Variants in DISP1 observed in about 807,000 individuals in gnomAD.
DISP1 encodes the protein dispatched RND transporter family member 1, also known as protein dispatched homolog 1.
A neutral mutation model predicts 37.3 loss-of-function variants in DISP1; 30 were observed. The ratio of observed to expected loss-of-function variants is 0.80; its 90% CI spans 0.60 to 1.09. The LOEUF is 1.09. DISP1 is among the 50% of genes least tolerant of loss of function. The pLI, the probability that DISP1 is intolerant of heterozygous loss-of-function variation, is 0.00. For synonymous variants in DISP1, 634 were observed against 690.2 expected, an observed-to-expected ratio of 0.92 and a Z score of 1.28; for missense variants, 1,598 against 1,879.5, an observed-to-expected ratio of 0.85 and a Z score of 2.77.
chr1:222,881,076 C>G (rs1425545324), intron 1 of DISP1, among the ~76,000 whole-genome samples: 1 of 152,072 alleles, frequency 6.6e-6, no homozygotes, highest in Non-Finnish European at 1.5e-5. Context: ...AAACAAAGGT[C>G]TGGAAGAGTT....
intron 1 of DISP1, among the ~76,000 whole-genome samples, chr1:222,825,214 T>C (rs1295975546): frequency 1.3e-5 from 2 of 152,144 alleles, no homozygotes; most frequent in African/African-American, 4.8e-5. Flanking sequence ...TGAGAGTCTT[T>C]CTTTTTCATT....
intron 1 of DISP1, among the ~76,000 whole-genome samples, chr1:222,850,553 G>A (rs1410729507): frequency 3.3e-5 from 5 of 151,586 alleles, no homozygotes; most frequent in Non-Finnish European, 5.9e-5. Context: ...TATTAAGCCT[G>A]GTACCCAATA....
rs1324935220 is a variant in DISP1 at position 222,893,623 on chromosome 1, C to CT, written c.-158-34806dup. Among the ~76,000 whole-genome samples, 2 of 152,206 alleles carry CT rather than the reference C, an allele frequency of 1.3e-5. No homozygotes were observed. The highest frequency in any genetic ancestry group is 2.4e-5 in the African/African-American group (1 of 41,454). On this transcript the variant is annotated intron_variant, in intron 1 of 8. Transcript: ENST00000675850. This position sits in a 1 kb window ranked among gnomAD's most constrained non-coding sequence, Gnocchi z 4.3. ...GAAGGCTGCGGCTTGACCAGATGTA[C>CT]TGCATGCAGCTTCCACTGCGGGCAC...
intron 1 of DISP1, among the ~76,000 whole-genome samples, chr1:222,828,260 G>T (rs1664900940): frequency 1.3e-5 from 2 of 151,972 alleles, no homozygotes; most frequent in South Asian, 4.1e-4. Flanking sequence ...CTTATCTTTT[G>T]TTTGTTTGTT....
chr1:222,897,480 C>T (rs562616205), intron 1 of DISP1, among the ~76,000 whole-genome samples: 2 of 152,090 alleles, frequency 1.3e-5, no homozygotes, highest in South Asian at 4.2e-4. Flanking sequence ...TAAATTATAC[C>T]TCAAAGTTGT....
intron 1 of DISP1, among the ~76,000 whole-genome samples, chr1:222,910,998 T>A (rs1229950771): frequency 6.6e-6 from 1 of 152,208 alleles, no homozygotes; most frequent in Non-Finnish European, 1.5e-5. Context: ...TTTAGCTGAC[T>A]TTTTTCCAGG....
At chr1:222,954,980 G>A (rs1218391586) in intron 3 of DISP1, among the ~76,000 whole-genome samples, 1 of 152,132 alleles carries the variant, frequency 6.6e-6, no homozygotes, top group African/African-American at 2.4e-5. Flanking sequence ...GGGAATGCAA[G>A]CAATCCCCTT....
At chr1:222,816,214 C>A (rs1160881233) in intron 1 of DISP1, among the ~76,000 whole-genome samples, 1 of 151,806 alleles carries the variant, frequency 6.6e-6, no homozygotes, top group Non-Finnish European at 1.5e-5. Flanking sequence ...GGTATGTGGG[C>A]TCATTATTAT....
intron 1 of DISP1, among the ~76,000 whole-genome samples, chr1:222,820,408 CTTAAGGATAGGGAACACA>C (rs948997096): frequency 1.3e-4 from 20 of 152,234 alleles, no homozygotes; most frequent in Admixed American, 3.9e-4. Flanking sequence ...TTGAAAAGAC[CTTAAGGATAGGGAACACA>C]TGGACCAAGA....
At chr1:222,927,683 G>A (rs1002993280) in intron 1 of DISP1, among the ~76,000 whole-genome samples, 3 of 152,022 alleles carry the variant, frequency 2.0e-5, no homozygotes, top group Non-Finnish European at 4.4e-5. Context: ...TAGATTTCAC[G>A]GTTTCAATAA....
At chr1:222,967,069 C>T (rs61837499) in intron 3 of DISP1, among the ~76,000 whole-genome samples, 19,051 of 152,032 alleles carry the variant, frequency 0.13, 1,548 homozygotes, top group Non-Finnish European at 0.19. Flanking sequence ...CTCTGAGTTG[C>T]CACCTCACCA....
rs1329938439 is a variant in DISP1, at chr1:223,003,449, G to A, written c.2052G>A (p.Trp684Ter). ...QQQIYDNKSC[W>*]TVACQKCHKV... ...AAATATATGATAACAAAAGCTGCTG[G>A]ACAGTGGCTTGCCAGAAGTGCCACA... Residue 684 changes from tryptophan to a stop codon, truncating the protein, a stop_gained, in exon 9 of 9, where the codon TGG becomes TGA. Coordinates refer to ENST00000675850, the MANE Select transcript of DISP1 (RefSeq NM_001377229.1). LOFTEE classifies it low-confidence loss of function (END_TRUNC). This position sits in a 1 kb window ranked among gnomAD's most constrained non-coding sequence, Gnocchi z 4.3. The A allele has an allele frequency of 6.2e-7, 1 of 1,614,126 alleles. No homozygotes were observed. Among genetic ancestry groups the A allele is most frequent in the Admixed American group, 1.7e-5 (1 of 60,026 alleles).
intron 2 of DISP1, among the ~76,000 whole-genome samples, chr1:222,940,405 C>G (rs1674295451): frequency 6.6e-6 from 1 of 152,124 alleles, no homozygotes; most frequent in Admixed American, 6.5e-5. Flanking sequence ...AGAGGGAAAT[C>G]TAGCCCCATA....
At chr1:222,996,931 A>C (rs1457784542) in intron 8 of DISP1, among the ~76,000 whole-genome samples, 1 of 152,140 alleles carries the variant, frequency 6.6e-6, no homozygotes, top group Non-Finnish European at 1.5e-5. Context: ...TTATTCCATG[A>C]GTACATGTTA....
chr1:222,839,260 G>A (rs890538678), intron 1 of DISP1, among the ~76,000 whole-genome samples: 21 of 152,142 alleles, frequency 1.4e-4, no homozygotes, highest in Non-Finnish European at 4.4e-5. Flanking sequence ...TGTGAACTGT[G>A]CATACAAGGC....
chr1:222,838,747 T>G (rs1238024750), intron 1 of DISP1, among the ~76,000 whole-genome samples: 2 of 152,212 alleles, frequency 1.3e-5, no homozygotes, highest in Non-Finnish European at 2.9e-5. Context: ...CTCCAGCTTG[T>G]GCAACAGAGT....
intron 4 of DISP1, among the ~76,000 whole-genome samples, chr1:222,990,273 T>G (rs944089861): frequency 8.5e-5 from 13 of 152,260 alleles, no homozygotes; most frequent in African/African-American, 2.9e-4. Flanking sequence ...TTCTTTCCAC[T>G]GATGAAGTGT....
At chr1:222,886,832 T>G (rs1670627335) in intron 1 of DISP1, among the ~76,000 whole-genome samples, 1 of 152,218 alleles carries the variant, frequency 6.6e-6, no homozygotes, top group South Asian at 2.1e-4. Flanking sequence ...AAACATCATA[T>G]TTACATAAGA....
chr1:222,920,769 T>G (rs115818817), intron 1 of DISP1, among the ~76,000 whole-genome samples: 13 of 152,260 alleles, frequency 8.5e-5, no homozygotes, highest in African/African-American at 3.1e-4. Context: ...TTTAATGATC[T>G]CTATGGTTTT....
Sources: allele counts gnomAD v4.1 joint callset (sites outside exome capture counted in the v4.1 genomes callset), GRCh38; gene constraint gnomAD v4.1.1; non-coding constraint Gnocchi (gnomAD v3.1); transcripts MANE v1.5; gene names NCBI Gene and HGNC (gene_info 2026-07-23, HGNC 2026-07-21).